CD247: variants seen among roughly 807,000 people sequenced by gnomAD.
CD247 encodes CD247 molecule, also known as T-cell surface glycoprotein CD3 zeta chain.
In CD247, 13 loss-of-function variants were observed where a neutral mutation model predicts 30.0. The observed-to-expected ratio is 0.43, with a 90% CI of 0.28 to 0.69. CD247 has a LOEUF of 0.69. Among genes scored for constraint, CD247 ranks in the 30% least tolerant of loss-of-function variants. The pLI is 0.16. For synonymous variants in CD247, 72 were observed against 80.0 expected, an observed-to-expected ratio of 0.90 and a Z score of 0.53; for missense variants, 193 against 212.6, an observed-to-expected ratio of 0.91 and a Z score of 0.57.
intron 1 of CD247, among the ~76,000 whole-genome samples, chr1:167,507,020 C>T (rs964544715): frequency 6.6e-6 from 1 of 151,648 alleles, no homozygotes; most frequent in African/African-American, 2.4e-5. Flanking sequence ...CCTCAGCCTC[C>T]TGAGTAGCTG....
intron 1 of CD247, among the ~76,000 whole-genome samples, chr1:167,497,831 C>T (rs1043660201): frequency 6.6e-6 from 1 of 152,200 alleles, no homozygotes; most frequent in African/African-American, 2.4e-5. Flanking sequence ...CTGCCATCTC[C>T]TTTCTGAGGG....
At chr1:167,502,022 T>C (rs1057396650) in intron 1 of CD247, among the ~76,000 whole-genome samples, 10 of 152,244 alleles carry the variant, frequency 6.6e-5, no homozygotes, top group African/African-American at 2.4e-4. Flanking sequence ...CCCTCCCTTC[T>C]GACACGCATT....
rs1434692733 is a variant in CD247 at position 167,430,981 on chromosome 1, C to T, written c.*700G>A. The T allele has an allele frequency of 7.5e-6, 3 of 401,540 alleles. No homozygotes were observed. The highest frequency in any genetic ancestry group is 6.2e-4 in the Middle Eastern group (1 of 1,612). 24.9% of individuals were successfully genotyped at this position (401,540 alleles called of 1,614,324 possible). On this transcript the variant is annotated 3_prime_UTR_variant, in exon 8 of 8. Coordinates refer to ENST00000362089, the MANE Select transcript of CD247 (RefSeq NM_198053.3). ...GTTTTTTATGCCACTTTGTGCACAG[C>T]TCATCAAGGTCAGTCTGTTCATCTT... is the stretch of plus-strand genomic sequence containing the variant.
At chr1:167,470,398 T>C (rs927810466) in intron 1 of CD247, among the ~76,000 whole-genome samples, 5 of 151,656 alleles carry the variant, frequency 3.3e-5, no homozygotes, top group African/African-American at 1.2e-4. Flanking sequence ...TCCAGGGTCA[T>C]TGGGTAACAT....
At chr1:167,443,014 G>A (rs35536659) in intron 1 of CD247, among the ~76,000 whole-genome samples, 3,900 of 151,956 alleles carry the variant, frequency 0.026, 151 homozygotes, top group African/African-American at 0.09. Context: ...TCTACCCCCT[G>A]GCCTGCTGAG....
chr1:167,510,900 C>T (rs1655358717), intron 1 of CD247, among the ~76,000 whole-genome samples: 1 of 152,216 alleles, frequency 6.6e-6, no homozygotes, highest in South Asian at 2.1e-4. Flanking sequence ...TTCCCCTCTT[C>T]CCAACCCTCC....
At chr1:167,467,239 C>T (rs1430095752) in intron 1 of CD247, among the ~76,000 whole-genome samples, 1 of 152,206 alleles carries the variant, frequency 6.6e-6, no homozygotes, top group African/African-American at 2.4e-5. Flanking sequence ...GGACTCCAAG[C>T]TTGTTAACAA....
At chr1:167,452,575 C>T (rs992199900) in intron 1 of CD247, among the ~76,000 whole-genome samples, 8 of 152,262 alleles carry the variant, frequency 5.3e-5, no homozygotes, top group South Asian at 4.2e-4. Context: ...GAAAATGTCA[C>T]GCACTGTGCT....
chr1:167,433,182 C>A (rs1651361026), intron 6 of CD247, 123 bp from the exon 7 acceptor site: 3 of 926,222 alleles, frequency 3.2e-6, no homozygotes, highest in Non-Finnish European at 5.3e-6. Context: ...CCCAGCAGCA[C>A]CCCTGCCCCT....
At chr1:167,439,295 G>T (rs199907617) in intron 3 of CD247, 49 bp downstream of exon 3, 69 of 1,555,316 alleles carry the variant, frequency 4.4e-5, no homozygotes, top group Non-Finnish European at 5.9e-5. Flanking sequence ...TAGGTCCGAG[G>T]AGGAGGCTGC....
At chr1:167,470,849 T>C (rs1222162962) in intron 1 of CD247, among the ~76,000 whole-genome samples, 2 of 151,688 alleles carry the variant, frequency 1.3e-5, no homozygotes, top group Non-Finnish European at 2.9e-5. Flanking sequence ...AAATATTTTA[T>C]TCCACTGATT....
intron 1 of CD247, among the ~76,000 whole-genome samples, chr1:167,486,259 A>G (rs1654202418): frequency 1.4e-4 from 21 of 152,244 alleles, no homozygotes; most frequent in Admixed American, 1.4e-3. Context: ...CAGAAGGGAC[A>G]CAGGACCTGC....
chr1:167,448,377 A>T, intron 1 of CD247: 1 of 985,418 alleles, frequency 1.0e-6, no homozygotes, highest in Non-Finnish European at 1.2e-6. Flanking sequence ...AGGTGGTGAG[A>T]GGGGTCCTCA....
chr1:167,479,699 C>T (rs1571566571), intron 1 of CD247, among the ~76,000 whole-genome samples: 1 of 152,184 alleles, frequency 6.6e-6, no homozygotes, highest in African/African-American at 2.4e-5. Flanking sequence ...CAGGTCCACA[C>T]CTTTGGGAAC....
intron 4 of CD247, among the ~76,000 whole-genome samples, chr1:167,438,051 G>C (rs926549562): frequency 6.7e-6 from 1 of 148,336 alleles, no homozygotes; most frequent in East Asian, 2.0e-4. Context: ...AGGAAGGAAG[G>C]AAATCAGAAT....
At chr1:167,495,263 T>C (rs554964743) in intron 1 of CD247, among the ~76,000 whole-genome samples, 2 of 152,268 alleles carry the variant, frequency 1.3e-5, no homozygotes, top group South Asian at 2.1e-4. Context: ...AACTGTAAAA[T>C]GAGGATATCC....
At chr1:167,439,041 C>A (rs1651683919) in intron 3 of CD247, among the ~76,000 whole-genome samples, 2 of 152,168 alleles carry the variant, frequency 1.3e-5, no homozygotes, top group Non-Finnish European at 2.9e-5. Context: ...TCCTTCTCCA[C>A]CCCCCTCTAG....
At chr1:167,465,199 C>T (rs931602705) in intron 1 of CD247, among the ~76,000 whole-genome samples, 3 of 152,132 alleles carry the variant, frequency 2.0e-5, no homozygotes, top group South Asian at 2.1e-4. Flanking sequence ...TTGGAGAAGG[C>T]GCCAGCCCCC....
intron 1 of CD247, among the ~76,000 whole-genome samples, chr1:167,498,592 C>G (rs1006289366): frequency 2.0e-5 from 3 of 152,318 alleles, no homozygotes; most frequent in Non-Finnish European, 2.9e-5. Context: ...GGGCCTAGCT[C>G]CATCTGGGCC....
Sources: gnomAD v4.1 joint callset for allele counts (sites outside exome capture counted in the v4.1 genomes callset) on GRCh38, gnomAD v4.1.1 for gene constraint, MANE v1.5 for transcripts, NCBI Gene and HGNC (gene_info 2026-07-23, HGNC 2026-07-21) for gene names.